The following CAST variants were observed in gnomAD, a reference collection of about 807,000 sequenced individuals.
CAST encodes calpastatin.
Under a neutral mutation model 119.6 loss-of-function variants are expected in CAST, and 76 were observed. The ratio of observed to expected loss-of-function variants is 0.64; its 90% CI spans 0.53 to 0.77. The LOEUF (loss-of-function observed/expected upper bound fraction) is 0.77. Among genes scored for constraint, CAST ranks in the 30% least tolerant of loss-of-function variants. The pLI is 0.00. For synonymous variants in CAST, 319 were observed against 331.6 expected, an observed-to-expected ratio of 0.96 and a Z score of 0.41; for missense variants, 953 against 946.5, an observed-to-expected ratio of 1.01 and a Z score of -0.09.
chr5:96,142,420 A>G, the CAST span, among the ~76,000 whole-genome samples: 188 of 152,244 alleles, frequency 1.2e-3, no homozygotes, highest in African/African-American at 4.4e-3. Context: ...TCTCAAAAAA[A>G]TTTTTGAGTT....
At chr5:96,353,981 G>C in the CAST span, among the ~76,000 whole-genome samples, 1 of 152,122 alleles carries the variant, frequency 6.6e-6, no homozygotes, top group South Asian at 2.1e-4. Flanking sequence ...CACATCTCAG[G>C]ATATTGAAAC....
At chr5:96,699,000 T>C (rs1357664470) in intron 3 of CAST, among the ~76,000 whole-genome samples, 2 of 152,222 alleles carry the variant, frequency 1.3e-5, no homozygotes, top group African/African-American at 4.8e-5. Context: ...CCTCAAATAA[T>C]ATCCCTTCTG....
chr5:96,426,132 G>A, the CAST span, among the ~76,000 whole-genome samples: 5 of 152,142 alleles, frequency 3.3e-5, no homozygotes. Context: ...ACAGTAAAGT[G>A]CACCTTTAGG....
intron 15 of CAST, chr5:96,742,107 C>T (rs927865331): frequency 6.3e-6 from 1 of 159,174 alleles, no homozygotes; most frequent in South Asian, 1.8e-4. Context: ...TGTGCCTCTC[C>T]CCTCCTGGAG....
chr5:96,037,678 T>C, the CAST span, among the ~76,000 whole-genome samples: 1 of 152,132 alleles, frequency 6.6e-6, no homozygotes, highest in African/African-American at 2.4e-5. Context: ...TTCTGTGACA[T>C]CACAAAAACC....
the CAST span, among the ~76,000 whole-genome samples, chr5:96,343,880 T>G: frequency 6.6e-6 from 1 of 152,222 alleles, no homozygotes; most frequent in African/African-American, 2.4e-5. Context: ...GATTCACTAA[T>G]TAACTCTAAA....
chr5:96,421,768 C>T, the CAST span: 3 of 769,172 alleles, frequency 3.9e-6, no homozygotes, highest in African/African-American at 3.4e-5. Context: ...GGATGTTGTG[C>T]ATTAACATTT....
the CAST span, among the ~76,000 whole-genome samples, chr5:96,023,053 C>G: frequency 2.0e-5 from 3 of 152,110 alleles, no homozygotes; most frequent in Non-Finnish European, 4.4e-5. Context: ...TTGGAGGAAA[C>G]AAGTCAGGAA....
At chr5:96,517,092 C>A in the CAST span, among the ~76,000 whole-genome samples, 26 of 151,924 alleles carry the variant, frequency 1.7e-4, no homozygotes, top group Non-Finnish European at 2.2e-4. Context: ...AAAAGTAGAT[C>A]TAGATTTCAG....
chr5:96,334,884 T>C, the CAST span, among the ~76,000 whole-genome samples: 3 of 152,180 alleles, frequency 2.0e-5, no homozygotes, highest in Non-Finnish European at 2.9e-5. Context: ...TCTAAATTCA[T>C]TATCCTGCTA....
the CAST span, chr5:96,433,042 T>C: frequency 6.2e-7 from 1 of 1,613,866 alleles, no homozygotes; most frequent in East Asian, 2.2e-5. Flanking sequence ...CTTCGCTCCA[T>C]AGCTCACACA....
chr5:96,277,164 G>C, the CAST span, among the ~76,000 whole-genome samples: 1 of 152,022 alleles, frequency 6.6e-6, no homozygotes, highest in Non-Finnish European at 1.5e-5. Context: ...AGTTCTTCTT[G>C]GCCACAGGGA....
chr5:95,978,332 A>G, the CAST span, among the ~76,000 whole-genome samples: 4 of 152,178 alleles, frequency 2.6e-5, no homozygotes, highest in African/African-American at 9.7e-5. Context: ...CTTTTTAATT[A>G]TAGCCATTCT....
chr5:96,530,249 GAGA>G (rs1745668122), intron 1 of CAST, among the ~76,000 whole-genome samples: 1 of 152,130 alleles, frequency 6.6e-6, no homozygotes, highest in African/African-American at 2.4e-5. Flanking sequence ...CTTGTAAATG[GAGA>G]AGGAGGTGGA....
At chr5:96,526,406 G>T (rs1745597550), upstream of CAST, among the ~76,000 whole-genome samples, 1 of 152,116 alleles carries the variant, frequency 6.6e-6, no homozygotes, top group African/African-American at 2.4e-5. Context: ...AGTCTCTCAG[G>T]TGATAAACTT....
chr5:96,177,615 G>A, the CAST span, among the ~76,000 whole-genome samples: 5 of 152,172 alleles, frequency 3.3e-5, no homozygotes, highest in African/African-American at 1.2e-4. Flanking sequence ...CAGCACCTTT[G>A]AAATGAATCA....
chr5:96,523,794 G>A (rs1190180291), upstream of CAST, among the ~76,000 whole-genome samples: 2 of 152,146 alleles, frequency 1.3e-5, no homozygotes, highest in South Asian at 4.1e-4. Flanking sequence ...CCAGGAAAAA[G>A]GAAGGACAAA....
chr5:96,249,935 A>T, the CAST span, among the ~76,000 whole-genome samples: 19 of 152,158 alleles, frequency 1.2e-4, no homozygotes, highest in Non-Finnish European at 1.9e-4. Context: ...GAGAAGCCGG[A>T]ACTGGTTATT....
At chr5:96,419,388 A>G in the CAST span, among the ~76,000 whole-genome samples, 1 of 147,894 alleles carries the variant, frequency 6.8e-6, no homozygotes, top group Non-Finnish European at 1.5e-5. Context: ...TACTTATTAT[A>G]TATATATATA....
Sources: gnomAD v4.1 joint callset for allele counts (sites outside exome capture counted in the v4.1 genomes callset) on GRCh38, gnomAD v4.1.1 for gene constraint, MANE v1.5 for transcripts, NCBI Gene and HGNC (gene_info 2026-07-23, HGNC 2026-07-21) for gene names.